The following KCNIP4 variants were observed in gnomAD, a reference collection of about 807,000 sequenced individuals.
KCNIP4 encodes the protein Kv channel-interacting protein 4.
KCNIP4 carries 12 observed loss-of-function variants against 34.0 expected under a neutral mutation model. The ratio of observed to expected loss-of-function variants is 0.35; its 90% CI spans 0.23 to 0.57. The LOEUF (loss-of-function observed/expected upper bound fraction) is 0.57, where lower values mean the gene tolerates loss of function less well. KCNIP4 is among the 20% of genes least tolerant of loss of function. KCNIP4 has a pLI of 0.83. For missense variants in KCNIP4, 238 were observed against 311.7 expected (o/e 0.76, Z 1.78); for synonymous variants, 124 against 102.2 (o/e 1.21, Z -1.29).
At chr4:21,763,321 G>C (rs116298718) in intron 1 of KCNIP4, among the ~76,000 whole-genome samples, 1 of 152,156 alleles carries the variant, frequency 6.6e-6, no homozygotes, top group Non-Finnish European at 1.5e-5. Context: ...TATATACATA[G>C]AGACAAAACG....
intron 3 of KCNIP4, among the ~76,000 whole-genome samples, chr4:20,834,193 A>G (rs976256232): frequency 6.6e-6 from 1 of 152,206 alleles, no homozygotes; most frequent in Non-Finnish European, 1.5e-5. Flanking sequence ...GGATTAGCAG[A>G]AATTTCCTGA....
intron 1 of KCNIP4, among the ~76,000 whole-genome samples, chr4:21,125,938 G>A (rs1577736896): frequency 6.6e-6 from 1 of 151,946 alleles, no homozygotes; most frequent in Non-Finnish European, 1.5e-5. Context: ...CTTCTAGAGG[G>A]ATGGCAGGGG....
At chr4:21,710,573 AT>A (rs1372093561) in intron 1 of KCNIP4, among the ~76,000 whole-genome samples, 1 of 152,150 alleles carries the variant, frequency 6.6e-6, no homozygotes, top group Non-Finnish European at 1.5e-5. Context: ...GCAAATTCAT[AT>A]GCAGATCCAG....
At chr4:20,755,720 T>A (rs949199226) in intron 4 of KCNIP4, among the ~76,000 whole-genome samples, 2 of 152,150 alleles carry the variant, frequency 1.3e-5, no homozygotes, top group Non-Finnish European at 2.9e-5. Flanking sequence ...AGGGCAAGTC[T>A]CACTGAGAAG....
intron 1 of KCNIP4, among the ~76,000 whole-genome samples, chr4:21,808,626 T>C (rs1039562945): frequency 2.0e-5 from 3 of 152,268 alleles, no homozygotes; most frequent in Middle Eastern, 3.4e-3. Flanking sequence ...TTTGCCTACA[T>C]TGGGGATTGG....
At chr4:21,761,940 T>C (rs1260854136) in intron 1 of KCNIP4, among the ~76,000 whole-genome samples, 1 of 152,100 alleles carries the variant, frequency 6.6e-6, no homozygotes, top group Non-Finnish European at 1.5e-5. Flanking sequence ...AATATCATGA[T>C]TTGAGAAAAA....
At chr4:21,561,672 A>G (rs934323294) in intron 1 of KCNIP4, among the ~76,000 whole-genome samples, 1 of 151,984 alleles carries the variant, frequency 6.6e-6, no homozygotes, top group Admixed American at 6.6e-5. Flanking sequence ...AAAGTTAAAA[A>G]AAGCTGTTAA....
chr4:21,643,330 G>T (rs34262857), intron 1 of KCNIP4, among the ~76,000 whole-genome samples: 68,133 of 151,960 alleles, frequency 0.45, 15,795 homozygotes, highest in Non-Finnish European at 0.5. Context: ...CAAGGATTTT[G>T]CATCCTCTTT....
intron 1 of KCNIP4, chr4:21,846,373 G>T (rs538863181): frequency 6.6e-6 from 1 of 152,154 alleles, no homozygotes; most frequent in East Asian, 1.9e-4. Context: ...GAGAGATAGA[G>T]AATGACTAGA....
At chr4:21,114,103 T>C (rs1368648) in intron 1 of KCNIP4, among the ~76,000 whole-genome samples, 21,722 of 152,154 alleles carry the variant, frequency 0.14, 1,748 homozygotes, top group East Asian at 0.23. Flanking sequence ...CCATAATCTG[T>C]ACAACTACCC....
At chr4:21,169,660 T>TTGTGTGTGTGTGTGTG in intron 1 of KCNIP4, among the ~76,000 whole-genome samples, 1 of 136,298 alleles carries the variant, frequency 7.3e-6, no homozygotes, top group South Asian at 2.6e-4. Flanking sequence ...TACTTTATAT[T>TTGTGTGTGTGTGTGTG]TGTGTGTGTG....
In KCNIP4 at chr4:21,770,763, C is replaced by G. The variant is rs113532862; in HGVS notation, c.61+177808G>C. 4.6e-5 allele frequency among the ~76,000 whole-genome samples: 7 copies of G among 152,284 alleles called. 2 individuals are homozygous for G. Among genetic ancestry groups the G allele is most frequent in the African/African-American group, 1.7e-4 (7 of 41,578 alleles). On this transcript the variant is annotated intron_variant, in intron 1 of 8. Transcript: ENST00000382152. ...TGTCTTCTTTTGAGAAGTGTCTGTT[C>G]ATATCCTTTGCCCACTTTTTGATGG...
chr4:21,038,660 T>G (rs550609177), intron 1 of KCNIP4, among the ~76,000 whole-genome samples: 59 of 152,324 alleles, frequency 3.9e-4, no homozygotes, highest in African/African-American at 1.3e-3. Flanking sequence ...TACAAGGAAT[T>G]AAAGTCTCAG....
intron 2 of KCNIP4, among the ~76,000 whole-genome samples, chr4:20,875,470 G>C (rs1723920515): frequency 6.6e-6 from 1 of 152,182 alleles, no homozygotes; most frequent in South Asian, 2.1e-4. Flanking sequence ...CAGACACATA[G>C]TAAGTTCTAA....
chr4:20,877,768 A>G (rs775725715), intron 2 of KCNIP4, among the ~76,000 whole-genome samples: 15 of 152,106 alleles, frequency 9.9e-5, no homozygotes, highest in African/African-American at 1.2e-4. Flanking sequence ...GACAGTCTCA[A>G]ATCTTGCAGT....
intron 1 of KCNIP4, among the ~76,000 whole-genome samples, chr4:21,174,579 T>C (rs1436192733): frequency 6.6e-6 from 1 of 152,168 alleles, no homozygotes; most frequent in Non-Finnish European, 1.5e-5. Flanking sequence ...CTCTGGTACT[T>C]GACATTTGTA....
chr4:21,760,529 A>G (rs149468829), intron 1 of KCNIP4, among the ~76,000 whole-genome samples: 81 of 152,234 alleles, frequency 5.3e-4, no homozygotes, highest in African/African-American at 1.9e-3. Flanking sequence ...TTATTAAAAT[A>G]TTTGTGTTCT....
At chr4:21,021,859 C>CGTATTGTATA (rs1553928077) in intron 1 of KCNIP4, among the ~76,000 whole-genome samples, 6 of 145,844 alleles carry the variant, frequency 4.1e-5, no homozygotes, top group Non-Finnish European at 9.0e-5. Flanking sequence ...AGTATAGTAT[C>CGTATTGTATA]GTATAGTATA....
intron 1 of KCNIP4, among the ~76,000 whole-genome samples, chr4:21,902,769 A>G (rs1727779313): frequency 6.6e-6 from 1 of 152,162 alleles, no homozygotes; most frequent in South Asian, 2.1e-4. Context: ...AGACAGAAAT[A>G]TATGGTTGAG....
Sources: gnomAD v4.1 joint callset for allele counts (sites outside exome capture counted in the v4.1 genomes callset) on GRCh38, gnomAD v4.1.1 for gene constraint, MANE v1.5 for transcripts, NCBI Gene and HGNC (gene_info 2026-07-23, HGNC 2026-07-21) for gene names.